The following SIPA1L1 variants were observed in gnomAD, a reference collection of about 807,000 sequenced individuals.
SIPA1L1 encodes signal induced proliferation associated 1 like 1, also known as signal-induced proliferation-associated 1-like protein 1.
SIPA1L1 carries 26 observed loss-of-function variants against 162.7 expected under a neutral mutation model. The observed-to-expected ratio is 0.16, with a 90% confidence interval of 0.12 to 0.22. The LOEUF is 0.22. SIPA1L1 is among the 10% of genes least tolerant of loss of function. The pLI, the probability that SIPA1L1 is intolerant of heterozygous loss-of-function variation, is 1.00. For missense variants in SIPA1L1, 1,874 were observed against 2,241.0 expected, an observed-to-expected ratio of 0.84 and a Z score of 3.31; for synonymous variants, 829 against 837.4, an observed-to-expected ratio of 0.99 and a Z score of 0.17.
At chr14:71,666,991 C>T (rs534390602) in intron 10 of SIPA1L1, among the ~76,000 whole-genome samples, 2 of 152,028 alleles carry the variant, frequency 1.3e-5, no homozygotes, top group African/African-American at 4.8e-5. Context: ...AATCAGCATC[C>T]CTATTGTCCA....
chr14:71,646,923 C>T (rs1002640061), intron 7 of SIPA1L1, among the ~76,000 whole-genome samples: 3 of 152,142 alleles, frequency 2.0e-5, no homozygotes, highest in African/African-American at 7.2e-5. Flanking sequence ...TTTATATAAC[C>T]TCAAAGCAAT....
intron 2 of SIPA1L1, among the ~76,000 whole-genome samples, chr14:71,482,963 C>A (rs1395325260): frequency 1.3e-5 from 2 of 152,132 alleles, no homozygotes; most frequent in Non-Finnish European, 2.9e-5. Flanking sequence ...CATAGTCAGC[C>A]AGACAACTTG....
chr14:71,696,427 A>G (rs1409941519), intron 13 of SIPA1L1, among the ~76,000 whole-genome samples: 1 of 152,194 alleles, frequency 6.6e-6, no homozygotes, highest in Non-Finnish European at 1.5e-5. Flanking sequence ...TATCACCTGT[A>G]ACTCCATCCC....
At chr14:71,669,227 C>T (rs2044297260) in intron 10 of SIPA1L1, among the ~76,000 whole-genome samples, 1 of 152,172 alleles carries the variant, frequency 6.6e-6, no homozygotes, top group African/African-American at 2.4e-5. Context: ...TTCTTTTCCT[C>T]ACAGTTCATT....
chr14:71,581,856 A>G (rs117130749), intron 4 of SIPA1L1, among the ~76,000 whole-genome samples: 209 of 152,204 alleles, frequency 1.4e-3, no homozygotes, highest in Non-Finnish European at 2.5e-3. Context: ...ATTCTGTTTC[A>G]CTTTTACCTT....
chr14:71,534,602 A>G (rs2053730884), intron 4 of SIPA1L1, among the ~76,000 whole-genome samples: 1 of 152,210 alleles, frequency 6.6e-6, no homozygotes, highest in South Asian at 2.1e-4. Context: ...TTCACAAACC[A>G]ATTGAATAAA....
chr14:71,639,354 G>A (rs1336122667), intron 7 of SIPA1L1, among the ~76,000 whole-genome samples: 1 of 152,166 alleles, frequency 6.6e-6, no homozygotes, highest in Non-Finnish European at 1.5e-5. Flanking sequence ...AGGCTGCCAT[G>A]AGCTATGATC....
intron 2 of SIPA1L1, among the ~76,000 whole-genome samples, chr14:71,469,123 C>T (rs1032142020): frequency 5.3e-5 from 8 of 151,802 alleles, no homozygotes; most frequent in Non-Finnish European, 8.8e-5. Flanking sequence ...TACCAATCCG[C>T]AGAGTCCACT....
intron 2 of SIPA1L1, among the ~76,000 whole-genome samples, chr14:71,398,561 C>T (rs567064063): frequency 3.9e-5 from 6 of 152,302 alleles, no homozygotes; most frequent in East Asian, 1.9e-4. Flanking sequence ...CCGAGTGACA[C>T]GCCTTGTGTG....
At chr14:71,569,755 T>G (rs1326349619) in intron 4 of SIPA1L1, among the ~76,000 whole-genome samples, 1 of 152,228 alleles carries the variant, frequency 6.6e-6, no homozygotes, top group Admixed American at 6.5e-5. Flanking sequence ...TGGTGTGGTG[T>G]TGCCCATGAA....
At chr14:71,321,650 C>A (rs1231425455) in intron 2 of SIPA1L1, 1 of 152,204 alleles carries the variant, frequency 6.6e-6, no homozygotes, top group East Asian at 1.9e-4. Context: ...GTCTTGGGGA[C>A]ATGAAATTTT....
chr14:71,517,009 T>C (rs2051804528), intron 3 of SIPA1L1, among the ~76,000 whole-genome samples: 1 of 152,150 alleles, frequency 6.6e-6, no homozygotes, highest in South Asian at 2.1e-4. Context: ...TTTTTTTCTT[T>C]TAAAAAACCA....
intron 10 of SIPA1L1, among the ~76,000 whole-genome samples, chr14:71,662,329 T>G (rs2043600295): frequency 6.6e-6 from 1 of 152,226 alleles, no homozygotes; most frequent in South Asian, 2.1e-4. Flanking sequence ...AAGTAGAGGT[T>G]ATGTTGGTCT....
chr14:71,419,530 G>A (rs1300451676), intron 2 of SIPA1L1, among the ~76,000 whole-genome samples: 10 of 124,088 alleles, frequency 8.1e-5, no homozygotes, highest in African/African-American at 2.8e-4. Context: ...TCGCTCTGTC[G>A]CCCAGGCCGG....
intron 4 of SIPA1L1, chr14:71,573,755 G>A (rs866299470): frequency 2.2e-6 from 1 of 456,178 alleles, no homozygotes; most frequent in Middle Eastern, 3.3e-4. Flanking sequence ...ATTATCTCTA[G>A]CGACATGTCT....
chr14:71,487,160 C>T (rs1268865171), intron 2 of SIPA1L1, among the ~76,000 whole-genome samples: 1 of 152,156 alleles, frequency 6.6e-6, no homozygotes, highest in African/African-American at 2.4e-5. Flanking sequence ...TTCTTTTGAT[C>T]CTTCAGGTTT....
chr14:71,496,853 C>G (rs924895238), intron 2 of SIPA1L1, among the ~76,000 whole-genome samples: 5 of 152,122 alleles, frequency 3.3e-5, no homozygotes. Flanking sequence ...ATGTTTTTAT[C>G]TTAAACTAAA....
intron 4 of SIPA1L1, chr14:71,573,527 A>G: frequency 4.4e-6 from 2 of 456,192 alleles, no homozygotes; most frequent in Non-Finnish European, 8.8e-6. Context: ...GAAAGAGTGG[A>G]TGTCTACAGC....
At chr14:71,527,698 G>A (rs1300200592) in intron 3 of SIPA1L1, among the ~76,000 whole-genome samples, 1 of 152,146 alleles carries the variant, frequency 6.6e-6, no homozygotes, top group East Asian at 1.9e-4. Context: ...ACTGAGGCAA[G>A]TGAAGTTAGA....
Sources: allele counts gnomAD v4.1 joint callset (sites outside exome capture counted in the v4.1 genomes callset), GRCh38; gene constraint gnomAD v4.1.1; transcripts MANE v1.5; gene names NCBI Gene and HGNC (gene_info 2026-07-23, HGNC 2026-07-21).